The following MED25 variants were observed in gnomAD, a reference collection of about 807,000 sequenced individuals.
MED25 encodes mediator of RNA polymerase II transcription subunit 25.
A neutral mutation model predicts 89.4 loss-of-function variants in MED25; 62 were observed. The ratio of observed to expected loss-of-function variants is 0.69; its 90% CI spans 0.57 to 0.86. The LOEUF (loss-of-function observed/expected upper bound fraction) is 0.86, where lower values mean the gene tolerates loss of function less well. MED25 is among the 40% of genes least tolerant of loss of function. The pLI is 0.00. For synonymous variants in MED25, 449 were observed against 427.9 expected (o/e 1.05, Z -0.61); for missense variants, 905 against 1,005.2 (o/e 0.90, Z 1.35).
chr19:49,827,279 G>C (rs953696097), intron 3 of MED25, among the ~76,000 whole-genome samples: 1 of 152,222 alleles, frequency 6.6e-6, no homozygotes, highest in Non-Finnish European at 1.5e-5. Flanking sequence ...ATGCTGCGAC[G>C]CGACTGCAGA....
chr19:49,839,736 T>C (rs2074121932), downstream of MED25: 1 of 152,164 alleles, frequency 6.6e-6, no homozygotes, highest in African/African-American at 2.4e-5. Flanking sequence ...AAAAAAAACC[T>C]TTACTCTTTC....
rs371903389 is a variant in MED25 at position 49,829,998 on chromosome 19, A to G, written c.688+50A>G. ...GGATGGGGGCTCGACGTGTTTCCCC[A>G]GCTCCCTCTGACTTGGATTTTGGAT... On this transcript the variant is annotated intron_variant, in intron 6 of 17. Coordinates refer to ENST00000312865, the MANE Select transcript of MED25 (RefSeq NM_030973.4). This position sits in a 1 kb window ranked among gnomAD's most constrained non-coding sequence, Gnocchi z 4.6. 5 of 1,599,032 alleles carry G rather than the reference A, an allele frequency of 3.1e-6. No individual in the cohort carries two copies. Among genetic ancestry groups the G allele is most frequent in the Middle Eastern group, 3.3e-4 (2 of 6,018 alleles).
At chr19:49,832,507 G>C in intron 13 of MED25, 92 bp downstream of exon 13, 1 of 804,574 alleles carries the variant, frequency 1.2e-6, no homozygotes, top group South Asian at 1.4e-5. Context: ...CTGGGCCCAC[G>C]GAAGCCGTTT....
Position 49,836,091 on chromosome 19 carries a change from C to G in MED25, c.1966-135C>G. 3 of 1,511,612 alleles carry G rather than the reference C, an allele frequency of 2.0e-6. No homozygotes were observed. Among genetic ancestry groups the G allele is most frequent in the Non-Finnish European group, 2.7e-6 (3 of 1,112,150 alleles). The allele number at this position is 1,511,612 out of a possible 1,614,324, so 93.6% of individuals were successfully genotyped here. A position where few individuals can be genotyped will look rare whatever the true frequency, so the allele number is the denominator to read the frequency against. The stretch of plus-strand genomic sequence containing the variant: ...GCTTTAGGCAGAAGGCAGACCGCCT[C>G]CTCTCCGTCCATCCCCCACCTTTGA... On this transcript the variant is annotated intron_variant, in intron 16 of 17. Transcript: ENST00000312865. The surrounding 1 kb of genome is among the most constrained non-coding windows in gnomAD (Gnocchi z 5.1).
Position 49,828,511 on chromosome 19 carries a change from A to C in MED25, c.368A>C (p.Gln123Pro), listed in dbSNP as rs750315392. ...GCGGAAGGACTCAGCACAGCCTTGC[A>C]GCTGTTTGATGACTTCAAGAAGATG... ...LIAEGLSTAL[Q>P]LFDDFKKMRE... The change falls in exon 4 of 18, where the codon CAG becomes CCG. Residue 123 changes from glutamine to proline, a missense_variant. By Grantham distance (76) the Gln-to-Pro change is moderately conservative. This residue lies in a region of MED25 where 501 missense variants were observed against 526.9 expected (regional missense o/e 0.95). Transcript: ENST00000312865. The C allele has an allele frequency of 9.0e-5, 145 of 1,613,986 alleles. No individual in the cohort carries two copies. Among genetic ancestry groups the C allele is most frequent in the Non-Finnish European group, 1.2e-4 (143 of 1,179,998 alleles).
rs2074103374 is a variant in MED25, at chr19:49,836,904, C to T, written c.2204C>T (p.Pro735Leu). 6.2e-7 allele frequency: 1 copy of T among 1,612,928 alleles called. No individual in the cohort carries two copies. Among genetic ancestry groups the T allele is most frequent in the African/African-American group, 1.3e-5 (1 of 74,932 alleles). The change falls in exon 18 of 18, where the codon CCC becomes CTC. Residue 735 changes from proline to leucine, a missense_variant. Physicochemically the swap from Pro to Leu is moderately conservative, Grantham distance 98 (BLOSUM62 -3). This residue lies in a region of MED25 where 271 missense variants were observed against 258.1 expected (regional missense o/e 1.05). Coordinates refer to ENST00000312865, the MANE Select transcript of MED25 (RefSeq NM_030973.4). The surrounding 1 kb of genome is among the most constrained non-coding windows in gnomAD (Gnocchi z 5.1). Reference sequence around the variant, plus strand: ...CCGGTCCCCCAGCCGGGCCTGCAGCCCAGCGTCATGGAGGACGACATCCTC... The same window carrying T: ...CCGGTCCCCCAGCCGGGCCTGCAGCTCAGCGTCATGGAGGACGACATCCTC... ...RGPVPQPGLQ[P>L]SVMEDDILMD...
At position 49,831,537 on chromosome 19, in the gene MED25, C is replaced by T; in HGVS notation, c.1230+76C>T. 1 of 1,535,960 alleles carries T rather than the reference C, an allele frequency of 6.5e-7. No homozygotes were observed. Among genetic ancestry groups the T allele is most frequent in the Non-Finnish European group, 8.9e-7 (1 of 1,129,036 alleles). ...GCTGGGCATGTAGGACTCATGGGGC[C>T]AGATGCGTGGGGTCTGCAGTGCTGG... On this transcript the variant is annotated intron_variant, in intron 10 of 17. Coordinates refer to ENST00000312865, the MANE Select transcript of MED25 (RefSeq NM_030973.4). This position sits in a 1 kb window ranked among gnomAD's most constrained non-coding sequence, Gnocchi z 5.0.
chr19:49,826,145 C>A (rs1460022439), intron 3 of MED25, among the ~76,000 whole-genome samples: 5 of 152,066 alleles, frequency 3.3e-5, no homozygotes. Context: ...TCGAGACCAT[C>A]CCGGATAACA....
intron 3 of MED25, among the ~76,000 whole-genome samples, chr19:49,825,763 G>A (rs918013398): frequency 2.0e-5 from 3 of 151,680 alleles, no homozygotes; most frequent in Non-Finnish European, 4.4e-5. Flanking sequence ...CCCAGAAGTC[G>A]AAGGTAGTGG....
Position 49,830,906 on chromosome 19 carries a change from C to T in MED25, c.1101+19C>T. 6.2e-7 allele frequency: 1 copy of T among 1,603,876 alleles called. No homozygotes were observed. Among genetic ancestry groups the T allele is most frequent in the Non-Finnish European group, 8.5e-7 (1 of 1,178,396 alleles). ...GTCCATGGTAGGTGCCTGCACGCCT[C>T]CTGCCCCTGCTCCTTCCTCCTGCTG... is the stretch of plus-strand genomic sequence containing the variant. On this transcript the variant is annotated intron_variant, in intron 9 of 17. Transcript: ENST00000312865. The surrounding 1 kb of genome is among the most constrained non-coding windows in gnomAD (Gnocchi z 4.6).
intron 13 of MED25, among the ~76,000 whole-genome samples, chr19:49,832,695 G>A (rs576928784): frequency 6.6e-6 from 1 of 152,302 alleles, no homozygotes; most frequent in East Asian, 1.9e-4. Context: ...TTTATGGGAT[G>A]TGTTCATTTC....
downstream of MED25, chr19:49,840,355 A>G (rs545568157): frequency 1.3e-5 from 2 of 152,302 alleles, no homozygotes; most frequent in East Asian, 3.9e-4. Flanking sequence ...TGCATTCACC[A>G]TAGTTGAGTA....
Position 49,818,354 on chromosome 19 carries a change from T to C in MED25, c.13T>C (p.Ser5Pro). Residue 5 changes from serine to proline, a missense_variant, in exon 1 of 18, where the codon TCC becomes CCC. Around this residue, in one of 3 missense-constraint regions of MED25, gnomAD observed 501 missense variants for 526.9 expected, o/e 0.95. Transcript: ENST00000312865. MVPG[S>P]EGPARAGSVV... ...TACCGCACGGGGTATGGTCCCCGGG[T>C]CCGAGGGCCCGGCCCGCGCCGGGAG... 6.3e-7 allele frequency: 1 copy of C among 1,596,466 alleles called. No individual in the cohort carries two copies.
intron 3 of MED25, among the ~76,000 whole-genome samples, chr19:49,828,139 G>A (rs1461051024): frequency 6.6e-6 from 1 of 151,692 alleles, no homozygotes; most frequent in Non-Finnish European, 1.5e-5. Context: ...TGAGGCAGGA[G>A]AATGGCATGA....
At position 49,830,091 on chromosome 19, in the gene MED25, G is replaced by C; in HGVS notation, c.692G>C (p.Gly231Ala). 6.2e-7 allele frequency: 1 copy of C among 1,607,016 alleles called. No homozygotes were observed. Among genetic ancestry groups the C allele is most frequent in the Non-Finnish European group, 8.5e-7 (1 of 1,177,566 alleles). The stretch of plus-strand genomic sequence containing the variant: ...TGGCCATCCCTCCTGCTCTCAGTTG[G>C]GGGTGGCTCAGCCCCAGGCCCCCTC... The part of the protein sequence containing the change: ...VLVRGLVLPV[G>A]GGSAPGPLQS... The change falls in exon 7 of 18, where the codon GGG (glycine) becomes GCG (alanine). Residue 231 changes from glycine (G) to alanine (A), a missense_variant. By Grantham distance (60) the Gly-to-Ala change is moderately conservative. This residue lies in a region of MED25 where 501 missense variants were observed against 526.9 expected (regional missense o/e 0.95). Transcript: ENST00000312865. The surrounding 1 kb of genome is among the most constrained non-coding windows in gnomAD (Gnocchi z 4.6).
In MED25 at chr19:49,834,743, C is replaced by T. The variant is rs1600330043; in HGVS notation, c.1483-243C>T. On this transcript the variant is annotated intron_variant, in intron 13 of 17. Coordinates refer to ENST00000312865, the MANE Select transcript of MED25 (RefSeq NM_030973.4). This position sits in a 1 kb window ranked among gnomAD's most constrained non-coding sequence, Gnocchi z 4.1. ...CAGGTGGTGGCTGAAGGTTGAAGAG[C>T]TGGGCTCCAGCACTTTCTCTCCGCT... is the stretch of plus-strand genomic sequence containing the variant. The T allele has an allele frequency of 7.0e-6, 4 of 570,580 alleles. No homozygotes were observed. In the East Asian group the frequency reaches 1.2e-4, roughly 17 times the overall value. The allele number at this position is 570,580 out of a possible 1,614,324, so 35.3% of individuals were successfully genotyped here.
At position 49,830,433 on chromosome 19, in the gene MED25, G is replaced by A; in HGVS notation, c.820-78G>A. ...GCTGGTGCCTCATGGGGCCATGGGT[G>A]GTGTGACCTCGTGGGATACCAGGAC... On this transcript the variant is annotated intron_variant, in intron 7 of 17. Coordinates refer to ENST00000312865, the MANE Select transcript of MED25 (RefSeq NM_030973.4). This position sits in a 1 kb window ranked among gnomAD's most constrained non-coding sequence, Gnocchi z 4.6. The A allele has an allele frequency of 2.1e-6, 3 of 1,439,020 alleles. No individual in the cohort carries two copies. The highest frequency in any genetic ancestry group is 2.3e-5 in the South Asian group (2 of 86,256). The allele number at this position is 1,439,020 out of a possible 1,614,324, so 89.1% of individuals were successfully genotyped here. A position where few individuals can be genotyped will look rare whatever the true frequency, so the allele number is the denominator to read the frequency against.
Position 49,836,724 on chromosome 19 carries a change from G to C in MED25, c.2147-123G>C. The C allele has an allele frequency of 1.3e-6, 1 of 781,476 alleles. No homozygotes were observed. The highest frequency in any genetic ancestry group is 2.3e-6 in the Non-Finnish European group (1 of 443,904). The allele number at this position is 781,476 out of a possible 1,614,324, so 48.4% of individuals were successfully genotyped here. A position where few individuals can be genotyped will look rare whatever the true frequency, so the allele number is the denominator to read the frequency against. ...ATGGGAAACAGCATATTTGTAACTAGATGGGGCCAGAAGGTGCTTCTGTTG... is the reference window on the plus strand; with the variant it reads ...ATGGGAAACAGCATATTTGTAACTACATGGGGCCAGAAGGTGCTTCTGTTG... On this transcript the variant is annotated intron_variant, in intron 17 of 17. Transcript: ENST00000312865. This position sits in a 1 kb window ranked among gnomAD's most constrained non-coding sequence, Gnocchi z 5.1.
Position 49,830,000 on chromosome 19 carries a change from C to A in MED25, c.688+52C>A. ...ATGGGGGCTCGACGTGTTTCCCCAG[C>A]TCCCTCTGACTTGGATTTTGGATTT... On this transcript the variant is annotated intron_variant, in intron 6 of 17. Transcript: ENST00000312865. This position sits in a 1 kb window ranked among gnomAD's most constrained non-coding sequence, Gnocchi z 4.6. 1 of 1,598,578 alleles carries A rather than the reference C, an allele frequency of 6.3e-7. No homozygotes were observed.
Sources: allele counts gnomAD v4.1 joint callset (sites outside exome capture counted in the v4.1 genomes callset), GRCh38; gene constraint gnomAD v4.1.1; regional missense constraint gnomAD v4.1.1; non-coding constraint Gnocchi (gnomAD v3.1); transcripts MANE v1.5; gene names NCBI Gene and HGNC (gene_info 2026-07-23, HGNC 2026-07-21).